The following PCDHA5 variants were observed in gnomAD, a reference collection of about 807,000 sequenced individuals.
The protein encoded by PCDHA5 is protocadherin alpha-5.
In PCDHA5, 43 loss-of-function variants were observed where a neutral mutation model predicts 61.6. The observed-to-expected ratio is 0.70, with a 90% CI of 0.55 to 0.90. The LOEUF (loss-of-function observed/expected upper bound fraction) is 0.90. PCDHA5 is among the 40% of genes least tolerant of loss of function. The pLI is 0.00. For synonymous variants in PCDHA5, 627 were observed against 543.9 expected, an observed-to-expected ratio of 1.15 and a Z score of -2.13; for missense variants, 1,298 against 1,222.7, an observed-to-expected ratio of 1.06 and a Z score of -0.92.
intron 1 of PCDHA5, among the ~76,000 whole-genome samples, chr5:140,900,835 C>A (rs1023887892): frequency 1.3e-5 from 2 of 152,150 alleles, no homozygotes; most frequent in African/African-American, 4.8e-5. Flanking sequence ...CAACAATGTA[C>A]AAAGTTTCCC....
At chr5:140,832,047 A>G (rs1581927346) in intron 1 of PCDHA5, among the ~76,000 whole-genome samples, 1 of 152,250 alleles carries the variant, frequency 6.6e-6, no homozygotes, top group Non-Finnish European at 1.5e-5. Flanking sequence ...TAGTGAGGCC[A>G]TAATTACCAA....
chr5:140,831,485 G>A (rs1771542804), intron 1 of PCDHA5, among the ~76,000 whole-genome samples: 1 of 82,564 alleles, frequency 1.2e-5, no homozygotes, highest in Non-Finnish European at 2.3e-5. Flanking sequence ...TCAGCCTCTG[G>A]AGTTACTACA....
At chr5:140,837,516 C>CGT (rs149634951) in intron 1 of PCDHA5, among the ~76,000 whole-genome samples, 1 of 151,568 alleles carries the variant, frequency 6.6e-6, no homozygotes. Flanking sequence ...AAGCAGTTTA[C>CGT]TTTTTTTGTA....
intron 1 of PCDHA5, chr5:140,871,020 A>C (rs1554164982): frequency 6.2e-7 from 1 of 1,613,302 alleles, no homozygotes; most frequent in East Asian, 2.2e-5. Context: ...TGGACGAGGC[A>C]GACTCGCCGC....
intron 1 of PCDHA5, chr5:140,851,823 G>C (rs1554145549): frequency 1.0e-6 from 1 of 962,982 alleles, no homozygotes; most frequent in Non-Finnish European, 1.3e-6. Flanking sequence ...ACAGAAATCT[G>C]TTTTTTTAAA....
intron 1 of PCDHA5, among the ~76,000 whole-genome samples, chr5:140,826,625 C>A (rs1180979712): frequency 6.6e-6 from 1 of 151,940 alleles, no homozygotes; most frequent in African/African-American, 2.4e-5. Flanking sequence ...TGATATTTGG[C>A]CCTGACTTTT....
intron 1 of PCDHA5, among the ~76,000 whole-genome samples, chr5:140,827,225 A>G (rs1210832493): frequency 2.6e-5 from 4 of 152,214 alleles, no homozygotes; most frequent in Admixed American, 2.6e-4. Flanking sequence ...AGGAAAGGAT[A>G]TGGGACAGGG....
chr5:140,996,232 T>C (rs1054290986), intron 3 of PCDHA5, among the ~76,000 whole-genome samples: 13 of 152,302 alleles, frequency 8.5e-5, no homozygotes, highest in South Asian at 4.1e-4. Flanking sequence ...AAATGGTTGC[T>C]CAAGGCTGAG....
intron 1 of PCDHA5, chr5:140,853,622 T>C: frequency 2.0e-6 from 2 of 988,456 alleles, no homozygotes; most frequent in Non-Finnish European, 2.4e-6. Context: ...TAAATAAGTA[T>C]ACAAGATCAC....
At chr5:140,901,906 G>T (rs1275600408) in intron 1 of PCDHA5, among the ~76,000 whole-genome samples, 1 of 151,902 alleles carries the variant, frequency 6.6e-6, no homozygotes, top group Non-Finnish European at 1.5e-5. Context: ...TCATTGTGGA[G>T]ATCTTTCACT....
rs2150111349 is a variant in PCDHA5, at chr5:140,821,865, C to T, written c.90C>T (p.Leu30=). The change falls in exon 1 of 4, where the codon CTC becomes CTT. Residue 30 remains leucine (L), a synonymous_variant. Coordinates refer to ENST00000529859, the MANE Select transcript of PCDHA5 (RefSeq NM_018908.3). ...ACTGGAAGGCAGGGAGCGGCCAGCT[C>T]CACTACTCGATCCCGGAGGAAGCCA... ...LAYWKAGSGQ[L]HYSIPEEAKH... is the part of the protein sequence containing the mutation. 5.6e-6 allele frequency: 9 copies of T among 1,614,214 alleles called. No homozygotes were observed. The South Asian group carries it at 8.8e-5, about 16-fold the overall frequency.
chr5:140,907,932 A>T (rs1291390398), intron 1 of PCDHA5, among the ~76,000 whole-genome samples: 1 of 152,202 alleles, frequency 6.6e-6, no homozygotes, highest in Non-Finnish European at 1.5e-5. Context: ...GTCCATTCAC[A>T]TACCTTTTCC....
intron 1 of PCDHA5, among the ~76,000 whole-genome samples, chr5:140,881,902 A>T (rs2058862295): frequency 6.6e-6 from 1 of 152,262 alleles, no homozygotes; most frequent in African/African-American, 2.4e-5. Flanking sequence ...GTCAGCTAAT[A>T]TAAAATGTTG....
chr5:140,945,829 A>G (rs1472344558), intron 1 of PCDHA5, among the ~76,000 whole-genome samples: 1 of 152,180 alleles, frequency 6.6e-6, no homozygotes, highest in Non-Finnish European at 1.5e-5. Flanking sequence ...ACAAAAGTCA[A>G]CTCAAAATGG....
At chr5:140,928,671 T>C in intron 1 of PCDHA5, 7 of 1,614,214 alleles carry the variant, frequency 4.3e-6, no homozygotes, top group Non-Finnish European at 5.9e-6. Context: ...GTGGTTCTAA[T>C]GCCTGGCTTT....
In PCDHA5 at chr5:140,822,550, T is replaced by A. The variant is rs2150117241; in HGVS notation, c.775T>A (p.Leu259Ile). The change falls in exon 1 of 4, where the codon TTA becomes ATA. Residue 259 changes from leucine to isoleucine, a missense_variant. Physicochemically the swap from Leu to Ile is conservative, Grantham distance 5. Coordinates refer to ENST00000529859, the MANE Select transcript of PCDHA5 (RefSeq NM_018908.3). Reference sequence around the variant, plus strand: ...GTTGGAAAATGCACCAAGTGGGACATTAGTTATTAAACTGAACGCCTCAGA... The same window carrying A: ...GTTGGAAAATGCACCAAGTGGGACAATAGTTATTAAACTGAACGCCTCAGA... ...RLLENAPSGTLVIKLNASDAD... is the reference protein window; with the variant it reads ...RLLENAPSGTIVIKLNASDAD... The A allele has an allele frequency of 6.2e-7, 1 of 1,613,768 alleles. No homozygotes were observed. Among genetic ancestry groups the A allele is most frequent in the South Asian group, 1.1e-5 (1 of 91,076 alleles).
chr5:140,884,450 AC>A, intron 1 of PCDHA5: 1 of 1,613,762 alleles, frequency 6.2e-7, no homozygotes, highest in Non-Finnish European at 8.5e-7. Context: ...GGCACCGCCC[AC>A]CGAGGGCGCG....
At position 140,942,589 on chromosome 5, in the gene PCDHA5, T is replaced by A. The variant is rs1444015331; in HGVS notation, c.2353-36360T>A. On this transcript the variant is annotated intron_variant, in intron 1 of 3. Coordinates refer to ENST00000529859, the MANE Select transcript of PCDHA5 (RefSeq NM_018908.3). ...AAATCTTCCCATATAGGATGTCACA[T>A]ATAATTATAGTGTTTATATTTGCCA... Among the ~76,000 whole-genome samples, 4 of 148,934 alleles carry A rather than the reference T, an allele frequency of 2.7e-5. No homozygotes were observed. In the Admixed American group the frequency reaches 2.7e-4, roughly 10 times the overall value.
chr5:141,009,303 T>A (rs1040786824), intron 3 of PCDHA5, among the ~76,000 whole-genome samples: 16 of 152,050 alleles, frequency 1.1e-4, no homozygotes, highest in East Asian at 1.9e-4. Flanking sequence ...AAATTTTTTT[T>A]AAAAAGCTAG....
Sources: allele counts gnomAD v4.1 joint callset (sites outside exome capture counted in the v4.1 genomes callset), GRCh38; gene constraint gnomAD v4.1.1; transcripts MANE v1.5; gene names NCBI Gene and HGNC (gene_info 2026-07-23, HGNC 2026-07-21).